UBE3D: variants seen among roughly 807,000 people sequenced by gnomAD.
UBE3D encodes the protein E3 ubiquitin-protein ligase E3D.
In UBE3D, 48 loss-of-function variants were observed where a neutral mutation model predicts 49.6. That is an observed-to-expected ratio of 0.97 (90% confidence interval 0.77 to 1.23). The LOEUF is 1.23. UBE3D is among the 50% of genes most tolerant of loss of function. The pLI is 0.00. For missense variants in UBE3D, 452 were observed against 468.4 expected, an observed-to-expected ratio of 0.96 and a Z score of 0.32; for synonymous variants, 189 against 174.2, an observed-to-expected ratio of 1.08 and a Z score of -0.67.
At chr6:82,970,242 T>G (rs1777248949) in intron 8 of UBE3D, among the ~76,000 whole-genome samples, 1 of 151,314 alleles carries the variant, frequency 6.6e-6, no homozygotes, top group South Asian at 2.1e-4. Flanking sequence ...TCATATCATT[T>G]TCAAAAATAA....
rs159048 is a variant in UBE3D at position 82,895,399 on chromosome 6, G to A, written c.1150-2357C>T. Among the ~76,000 whole-genome samples, 628 of 152,244 alleles carry A rather than the reference G, an allele frequency of 4.1e-3. 3 individuals are homozygous for A. Among genetic ancestry groups the A allele is most frequent in the African/African-American group, 0.014 (598 of 41,564 alleles). ...GAGGTGATTTTGTGTACTGACGGGC[G>A]TTTGGCAGTATCTGGAGACATTTTC... On this transcript the variant is annotated intron_variant, in intron 9 of 9. Transcript: ENST00000369747.
chr6:82,882,909 C>T, the UBE3D span, among the ~76,000 whole-genome samples: 3 of 152,154 alleles, frequency 2.0e-5, no homozygotes, highest in African/African-American at 7.2e-5. Flanking sequence ...GGCAAGGCAG[C>T]TAATCAGAGA....
chr6:83,055,992 T>C (rs1783792297), intron 2 of UBE3D, among the ~76,000 whole-genome samples: 2 of 152,224 alleles, frequency 1.3e-5, no homozygotes, highest in African/African-American at 2.4e-5. Context: ...TCATGCACTA[T>C]GGAACAGGAC....
chr6:82,991,425 A>G (rs1346298511), intron 8 of UBE3D, among the ~76,000 whole-genome samples: 1 of 152,210 alleles, frequency 6.6e-6, no homozygotes, highest in Non-Finnish European at 1.5e-5. Context: ...TTACATAAAT[A>G]CCTGGCATGA....
At chr6:83,049,897 T>A in intron 3 of UBE3D, 4 of 425,614 alleles carry the variant, frequency 9.4e-6, no homozygotes, top group South Asian at 6.7e-5. Flanking sequence ...CTGAGACTAT[T>A]CACAACAAAA....
downstream of UBE3D, among the ~76,000 whole-genome samples, chr6:82,891,294 T>C (rs1475607150): frequency 6.6e-6 from 1 of 152,092 alleles, no homozygotes; most frequent in African/African-American, 2.4e-5. Context: ...TGGAATCTAG[T>C]GGGTAGAGGT....
downstream of UBE3D, among the ~76,000 whole-genome samples, chr6:82,888,323 T>A (rs1770925639): frequency 6.6e-6 from 1 of 151,250 alleles, no homozygotes; most frequent in South Asian, 2.1e-4. Context: ...TTTAAGCAGA[T>A]TTATTGAAAT....
chr6:82,884,220 C>T, the UBE3D span, among the ~76,000 whole-genome samples: 1 of 152,126 alleles, frequency 6.6e-6, no homozygotes, highest in Admixed American at 6.6e-5. Context: ...CTTCTCCTTC[C>T]ATCTATACCC....
chr6:82,961,617 C>T (rs917653990), intron 8 of UBE3D, among the ~76,000 whole-genome samples: 12 of 152,180 alleles, frequency 7.9e-5, no homozygotes, highest in Admixed American at 2.6e-4. Flanking sequence ...TCCAAGCAAA[C>T]CATAAGTAGG....
At chr6:83,026,919 C>T (rs1043047150) in intron 5 of UBE3D, among the ~76,000 whole-genome samples, 6 of 152,082 alleles carry the variant, frequency 3.9e-5, no homozygotes, top group Non-Finnish European at 1.5e-5. Context: ...ATCCTCTCAT[C>T]TCCGCCTCCC....
chr6:82,972,797 A>G (rs1777446314), intron 8 of UBE3D, among the ~76,000 whole-genome samples: 1 of 152,212 alleles, frequency 6.6e-6, no homozygotes. Flanking sequence ...AAATCTGAAC[A>G]TGAATCATTC....
chr6:82,897,931 A>G (rs1771448765), intron 9 of UBE3D, among the ~76,000 whole-genome samples: 1 of 152,216 alleles, frequency 6.6e-6, no homozygotes, highest in African/African-American at 2.4e-5. Flanking sequence ...CAATCTATCC[A>G]TCTGACAAAG....
intron 8 of UBE3D, among the ~76,000 whole-genome samples, chr6:82,979,830 T>A (rs189103597): frequency 1.1e-3 from 167 of 152,262 alleles, no homozygotes; most frequent in African/African-American, 3.8e-3. Flanking sequence ...CACTTGTAAG[T>A]AAGAACATGC....
intron 8 of UBE3D, among the ~76,000 whole-genome samples, chr6:82,962,913 T>C (rs1489349483): frequency 6.6e-6 from 1 of 152,204 alleles, no homozygotes; most frequent in Non-Finnish European, 1.5e-5. Flanking sequence ...ATTTTTGAAA[T>C]TAGACAAACT....
At chr6:82,982,047 C>G (rs1011057455) in intron 8 of UBE3D, among the ~76,000 whole-genome samples, 1 of 152,050 alleles carries the variant, frequency 6.6e-6, no homozygotes, top group Admixed American at 6.6e-5. Flanking sequence ...AATCATTTAA[C>G]CTAAATTTTT....
chr6:83,029,032 T>G (rs1177342350), intron 5 of UBE3D, among the ~76,000 whole-genome samples: 1 of 152,056 alleles, frequency 6.6e-6, no homozygotes, highest in Non-Finnish European at 1.5e-5. Context: ...CTCTTTTTAC[T>G]TTAAAGATTC....
intron 8 of UBE3D, among the ~76,000 whole-genome samples, chr6:82,995,748 G>A (rs1348773476): frequency 6.6e-6 from 1 of 152,082 alleles, no homozygotes; most frequent in Non-Finnish European, 1.5e-5. Context: ...CCATAGGAGA[G>A]AATTGGACAG....
At chr6:82,957,009 G>T (rs1468324223) in intron 9 of UBE3D, among the ~76,000 whole-genome samples, 7 of 151,846 alleles carry the variant, frequency 4.6e-5, no homozygotes, top group Non-Finnish European at 1.0e-4. Flanking sequence ...TGCACCTGTA[G>T]TCCCAGCTAC....
At chr6:83,034,191 C>A (rs1459010699) in intron 5 of UBE3D, among the ~76,000 whole-genome samples, 1 of 151,994 alleles carries the variant, frequency 6.6e-6, no homozygotes, top group Non-Finnish European at 1.5e-5. Flanking sequence ...TAGTGATTTA[C>A]TTTTAGAACA....
Sources: allele counts gnomAD v4.1 joint callset (sites outside exome capture counted in the v4.1 genomes callset), GRCh38; gene constraint gnomAD v4.1.1; transcripts MANE v1.5; gene names NCBI Gene and HGNC (gene_info 2026-07-23, HGNC 2026-07-21).